The following SPPL2B variants were observed in gnomAD, a reference collection of about 807,000 sequenced individuals.
SPPL2B encodes the protein signal peptide peptidase-like 2B.
In SPPL2B, 39 loss-of-function variants were observed where a neutral mutation model predicts 59.7. The ratio of observed to expected loss-of-function variants is 0.65; its 90% CI spans 0.51 to 0.85. The LOEUF (loss-of-function observed/expected upper bound fraction) is 0.85. Among genes scored for constraint, SPPL2B ranks in the 40% least tolerant of loss-of-function variants. SPPL2B has a pLI of 0.00. For synonymous variants in SPPL2B, 419 were observed against 370.8 expected (o/e 1.13, Z -1.49); for missense variants, 865 against 849.0 (o/e 1.02, Z -0.23).
chr19:2,352,746 C>T (rs867830953), intron 14 of SPPL2B, among the ~76,000 whole-genome samples, 200 bp from the exon 15 acceptor site: 7 of 152,292 alleles, frequency 4.6e-5, no homozygotes, highest in Middle Eastern at 3.4e-3. Context: ...GGCCCTCCCG[C>T]GGCACCTGTG....
In SPPL2B at chr19:2,332,602, CTCTG is replaced by C. The variant is rs1968344176; in HGVS notation, c.67-1995_67-1992del. 1.3e-5 allele frequency among the ~76,000 whole-genome samples: 2 copies of C among 152,194 alleles called. No individual in the cohort carries two copies. Among genetic ancestry groups the C allele is most frequent in the South Asian group, 2.1e-4 (1 of 4,832 alleles). On this transcript the variant is annotated intron_variant, in intron 1 of 14. Transcript: ENST00000613503. The surrounding 1 kb of genome is among the most constrained non-coding windows in gnomAD (Gnocchi z 4.6). ...TGGGGACCAGGGGGTGCGGCTGTCT[CTCTG>C]TCTGGGAGGTTTACAGCCTGGCAGG...
rs113917230 is a variant in SPPL2B at position 2,352,392 on chromosome 19, C to T, written c.1516-554C>T. ...GCTGATCTCCCTCTGGGGGAGATGC[C>T]GCGCTTCTCAGCGGTGCTGGCCGCG... On this transcript the variant is annotated intron_variant, in intron 14 of 14. Transcript: ENST00000613503. 2.9e-3 allele frequency among the ~76,000 whole-genome samples: 445 copies of T among 152,292 alleles called. 4 individuals are homozygous for T. Among genetic ancestry groups the T allele is most frequent in the African/African-American group, 0.01 (430 of 41,572 alleles).
At chr19:2,329,541 C>G (rs140058976) in intron 1 of SPPL2B, among the ~76,000 whole-genome samples, 5 of 152,184 alleles carry the variant, frequency 3.3e-5, no homozygotes, top group Non-Finnish European at 5.9e-5. Flanking sequence ...AATCTTCCCT[C>G]TCTCCTGAGT....
intron 2 of SPPL2B, among the ~76,000 whole-genome samples, chr19:2,336,616 G>A (rs1968634725): frequency 6.6e-6 from 1 of 151,828 alleles, no homozygotes; most frequent in Non-Finnish European, 1.5e-5. Context: ...GCACACGTGT[G>A]CTGTGTGCTC....
chr19:2,345,390 C>T, intron 13 of SPPL2B, 60 bp downstream of exon 13: 1 of 1,458,260 alleles, frequency 6.9e-7, no homozygotes. Flanking sequence ...CCCGACTTAG[C>T]CTCTGTCCTG....
rs1463267862 is a variant in SPPL2B, at chr19:2,343,394, C to T, written c.1038+102C>T. The T allele has an allele frequency of 4.1e-6, 4 of 981,718 alleles. No homozygotes were observed. The South Asian group carries it at 5.6e-5, about 14-fold the overall frequency. 60.8% of individuals were successfully genotyped at this position (981,718 alleles called of 1,614,324 possible). A position where few individuals can be genotyped will look rare whatever the true frequency, so the allele number is the denominator to read the frequency against. On this transcript the variant is annotated intron_variant, in intron 9 of 14. Coordinates refer to ENST00000613503, the MANE Select transcript of SPPL2B (RefSeq NM_152988.3). The stretch of plus-strand genomic sequence containing the variant: ...CTGTGGTCCTTGCAGGTCTGTGCTC[C>T]TGCTCACTGCCCTGGGGATGGCCGC...
At chr19:2,343,879 C>T in intron 9 of SPPL2B, 86 bp from the exon 10 acceptor site, 1 of 1,063,324 alleles carries the variant, frequency 9.4e-7, no homozygotes, top group Non-Finnish European at 1.4e-6. Context: ...AGGCTGCCTC[C>T]CAGGAGGAGG....
At chr19:2,338,579 G>A in intron 3 of SPPL2B, 173 bp from the exon 4 acceptor site, 1 of 561,524 alleles carries the variant, frequency 1.8e-6, no homozygotes, top group Non-Finnish European at 3.2e-6. Context: ...CCCTGTTCTT[G>A]GGTCCTCCTG....
At chr19:2,343,110 C>T (rs1024110585) in intron 8 of SPPL2B, 101 bp from the exon 9 acceptor site, 26 of 896,502 alleles carry the variant, frequency 2.9e-5, no homozygotes, top group South Asian at 4.4e-5. Context: ...AGTGGGGCTG[C>T]GTGCTGGCTG....
intron 1 of SPPL2B, 31 bp from the exon 2 acceptor site, chr19:2,334,571 T>C (rs765001609): frequency 2.5e-6 from 4 of 1,597,172 alleles, no homozygotes; most frequent in Non-Finnish European, 3.4e-6. Flanking sequence ...CGTCCCGTGC[T>C]GTGGCTCTGA....
chr19:2,351,870 G>A (rs1386663745), intron 14 of SPPL2B, among the ~76,000 whole-genome samples: 4 of 151,950 alleles, frequency 2.6e-5, no homozygotes, highest in Admixed American at 1.3e-4. Flanking sequence ...GTGCCGGGTG[G>A]GACGCGGGGG....
At chr19:2,344,493 G>C (rs899444705) in intron 11 of SPPL2B, 60 bp from the exon 12 acceptor site, 4 of 1,569,692 alleles carry the variant, frequency 2.5e-6, no homozygotes, top group East Asian at 2.3e-5. Context: ...GATAGGGCTC[G>C]AGGCATCCCG....
Position 2,353,202 on chromosome 19 carries a change from C to A in SPPL2B, c.1772C>A (p.Ser591Ter). 2 of 1,598,482 alleles carry A rather than the reference C, an allele frequency of 1.3e-6. No homozygotes were observed. The highest frequency in any genetic ancestry group is 8.5e-7 in the Non-Finnish European group (1 of 1,177,502). Residue 591 changes from serine (S) to a stop codon, truncating the protein, a stop_gained, in exon 15 of 15, where the codon TCG becomes TAG. Coordinates refer to ENST00000613503, the MANE Select transcript of SPPL2B (RefSeq NM_152988.3). LOFTEE classifies it high-confidence loss of function. ...QPSPVTQPGA[S>*]A The stretch of plus-strand genomic sequence containing the variant: ...TCCCCGGTAACCCAGCCTGGCGCCT[C>A]GGCCTAGGGGAGGGGTGAGACGCTC...
chr19:2,335,898 C>G (rs114252394), intron 2 of SPPL2B, among the ~76,000 whole-genome samples: 1 of 152,214 alleles, frequency 6.6e-6, no homozygotes, highest in Non-Finnish European at 1.5e-5. Context: ...TGTGCCTGGA[C>G]ATGCTCATGT....
rs374761142 is a variant in SPPL2B at position 2,334,738 on chromosome 19, C to T, written c.186+17C>T. ...AGCAAGGCAGTGAGTACCCGCTGGC[C>T]GGGCGCCGCTGCGGAGGAGAATGCG... is the stretch of plus-strand genomic sequence containing the variant. On this transcript the variant is annotated intron_variant, in intron 2 of 14. Transcript: ENST00000613503. 34 of 1,557,258 alleles carry T rather than the reference C, an allele frequency of 2.2e-5. No individual in the cohort carries two copies. The highest frequency in any genetic ancestry group is 1.4e-4 in the African/African-American group (10 of 72,986).
At chr19:2,351,120 T>C (rs1325144754) in intron 13 of SPPL2B, among the ~76,000 whole-genome samples, 1 of 152,162 alleles carries the variant, frequency 6.6e-6, no homozygotes, top group Non-Finnish European at 1.5e-5. Flanking sequence ...CCCTCCGCTA[T>C]CACGTCTGCC....
At chr19:2,328,864 G>A in intron 1 of SPPL2B, 89 bp downstream of exon 1, 1 of 1,164,098 alleles carries the variant, frequency 8.6e-7, no homozygotes, top group Non-Finnish European at 1.1e-6. Flanking sequence ...GACCCCGCTC[G>A]GCCCGTCTTG....
In SPPL2B at chr19:2,351,682, C is replaced by T. The variant is rs145536408; in HGVS notation, c.1515+88C>T. ...AGTTGAGTGAGACCTCCAGCCACAG[C>T]CAGCCCTGCGGCCGCGACGGGGCTC... On this transcript the variant is annotated intron_variant, in intron 14 of 14. Coordinates refer to ENST00000613503, the MANE Select transcript of SPPL2B (RefSeq NM_152988.3). 131 of 1,517,296 alleles carry T rather than the reference C, an allele frequency of 8.6e-5. No homozygotes were observed. The East Asian group carries it at 3.0e-3, about 35-fold the overall frequency. 94.0% of individuals were successfully genotyped at this position (1,517,296 alleles called of 1,614,324 possible).
At chr19:2,352,603 G>T (rs1599261724) in intron 14 of SPPL2B, among the ~76,000 whole-genome samples, 1 of 152,162 alleles carries the variant, frequency 6.6e-6, no homozygotes, top group South Asian at 2.1e-4. Context: ...CCACCCCAAA[G>T]GTCTCCCCAT....
Sources: allele counts gnomAD v4.1 joint callset (sites outside exome capture counted in the v4.1 genomes callset), GRCh38; gene constraint gnomAD v4.1.1; non-coding constraint Gnocchi (gnomAD v3.1); transcripts MANE v1.5; gene names NCBI Gene and HGNC (gene_info 2026-07-23, HGNC 2026-07-21).